Variants in WWOX observed in about 807,000 individuals in gnomAD.
WWOX encodes WW domain-containing oxidoreductase.
A neutral mutation model predicts 46.2 loss-of-function variants in WWOX; 69 were observed. The observed-to-expected ratio is 1.49, with a 90% CI of 1.23 to 1.82. The LOEUF is 1.82. Among genes scored for constraint, WWOX ranks in the 40% most tolerant of loss-of-function variants. The pLI, the probability that WWOX is intolerant of heterozygous loss-of-function variation, is 0.00. For synonymous variants in WWOX, 359 were observed against 202.6 expected (o/e 1.77, Z -6.56); for missense variants, 919 against 542.6 (o/e 1.69, Z -6.89).
At chr16:78,777,612 G>C (rs2050223448) in intron 8 of WWOX, among the ~76,000 whole-genome samples, 1 of 152,116 alleles carries the variant, frequency 6.6e-6, no homozygotes, top group Non-Finnish European at 1.5e-5. Flanking sequence ...ACAGGGTGCT[G>C]AGAAAGCTAA....
chr16:78,263,534 T>A (rs114778616), intron 5 of WWOX, among the ~76,000 whole-genome samples: 223 of 152,270 alleles, frequency 1.5e-3, no homozygotes, highest in African/African-American at 4.9e-3. Flanking sequence ...CGCCTCTTAA[T>A]CAACCCTTGC....
intron 8 of WWOX, among the ~76,000 whole-genome samples, chr16:79,155,607 C>T (rs927042027): frequency 6.6e-6 from 1 of 152,126 alleles, no homozygotes; most frequent in Non-Finnish European, 1.5e-5. Context: ...TCCCTCATCT[C>T]CAGCAGGGCT....
chr16:78,909,362 G>C (rs1446352355), intron 8 of WWOX, among the ~76,000 whole-genome samples: 1 of 152,182 alleles, frequency 6.6e-6, no homozygotes, highest in Non-Finnish European at 1.5e-5. Context: ...CGAGCCTCAT[G>C]TATTCTCTGT....
Position 79,025,804 on chromosome 16 carries a change from C to CTTTTTTTTTTTTT in WWOX, c.1057-185793_1057-185792insTTTTTTTTTTTTT, listed in dbSNP as rs60681938. ...TTCTTTGCTTTGCTTTGCTTGCTTG[C>CTTTTTTTTTTTTT]TTTTTTTTTTTGAGACGGAGTTTTG... is the stretch of plus-strand genomic sequence containing the variant. On this transcript the variant is annotated intron_variant, in intron 8 of 8. Transcript: ENST00000566780. Among the ~76,000 whole-genome samples, 35 of 104,062 alleles carry CTTTTTTTTTTTTT rather than the reference C, an allele frequency of 3.4e-4. 1 individual carries two copies. Among genetic ancestry groups the CTTTTTTTTTTTTT allele is most frequent in the Admixed American group, 7.4e-4 (6 of 8,090 alleles). 68.3% of individuals were successfully genotyped at this position (104,062 alleles called of 152,430 possible).
chr16:78,182,905 T>C (rs867822721), intron 5 of WWOX, among the ~76,000 whole-genome samples: 2 of 146,538 alleles, frequency 1.4e-5, no homozygotes, highest in East Asian at 4.1e-4. Context: ...GAGCCGAGAT[T>C]GCGCCACTGC....
At chr16:78,902,839 C>A (rs573097689) in intron 8 of WWOX, among the ~76,000 whole-genome samples, 1 of 152,108 alleles carries the variant, frequency 6.6e-6, no homozygotes, top group Non-Finnish European at 1.5e-5. Flanking sequence ...GGTTTTTGCC[C>A]CCCTCCAGTT....
In WWOX at chr16:78,156,346, C is replaced by T. The variant is rs538023755; in HGVS notation, c.410-7837C>T. ...TTGATAGAAAAACGGCGTGCTTTTC[C>T]CCCACAGATTTCTTGGTAGCATCAT... On this transcript the variant is annotated intron_variant, in intron 4 of 8. Transcript: ENST00000566780. 2.6e-4 allele frequency among the ~76,000 whole-genome samples: 40 copies of T among 152,232 alleles called. No homozygotes were observed. The South Asian group carries it at 7.7e-3, about 29-fold the overall frequency.
chr16:78,887,259 T>C (rs2044484287), intron 8 of WWOX, among the ~76,000 whole-genome samples: 1 of 152,000 alleles, frequency 6.6e-6, no homozygotes, highest in South Asian at 2.1e-4. Flanking sequence ...AAATGCTATT[T>C]CATTATACCA....
intron 8 of WWOX, among the ~76,000 whole-genome samples, chr16:78,836,607 C>T (rs554072153): frequency 6.6e-6 from 1 of 152,308 alleles, no homozygotes; most frequent in East Asian, 1.9e-4. Flanking sequence ...CTTGCCAATA[C>T]AGTACCTCAT....
At chr16:78,305,462 A>T (rs1443911862) in intron 5 of WWOX, among the ~76,000 whole-genome samples, 1 of 152,104 alleles carries the variant, frequency 6.6e-6, no homozygotes, top group Non-Finnish European at 1.5e-5. Flanking sequence ...GTGGAGGAAG[A>T]ACTCTTCCAA....
chr16:78,303,799 C>T (rs13332332), intron 5 of WWOX, among the ~76,000 whole-genome samples: 1 of 152,262 alleles, frequency 6.6e-6, no homozygotes, highest in South Asian at 2.1e-4. Context: ...TTGGCCTTGG[C>T]CTCCCAAAGT....
At chr16:78,924,166 G>C (rs182640678) in intron 8 of WWOX, among the ~76,000 whole-genome samples, 1 of 152,156 alleles carries the variant, frequency 6.6e-6, no homozygotes, top group Non-Finnish European at 1.5e-5. Context: ...GAAGCAGAAA[G>C]AAGGCTGGGT....
At chr16:78,177,062 C>A (rs1054688153) in intron 5 of WWOX, among the ~76,000 whole-genome samples, 2 of 152,166 alleles carry the variant, frequency 1.3e-5, no homozygotes, top group Admixed American at 1.3e-4. Context: ...AGGGCCCAGC[C>A]ATCTGTGGTT....
intron 5 of WWOX, among the ~76,000 whole-genome samples, chr16:78,333,430 A>G (rs1364018486): frequency 6.6e-6 from 1 of 152,142 alleles, no homozygotes; most frequent in Non-Finnish European, 1.5e-5. Context: ...AACCATTATA[A>G]TCATGGTATT....
chr16:78,453,901 T>G (rs923910211), intron 8 of WWOX, among the ~76,000 whole-genome samples: 1 of 152,338 alleles, frequency 6.6e-6, no homozygotes, highest in East Asian at 1.9e-4. Context: ...TACAGCTTTT[T>G]GTATCATGAG....
At chr16:79,186,394 C>G (rs573251641) in intron 8 of WWOX, among the ~76,000 whole-genome samples, 2 of 152,266 alleles carry the variant, frequency 1.3e-5, no homozygotes, top group African/African-American at 4.8e-5. Context: ...AGTGGCAACG[C>G]TTGGTGTTTC....
At chr16:78,137,107 G>A (rs1310563260) in intron 4 of WWOX, among the ~76,000 whole-genome samples, 1 of 152,144 alleles carries the variant, frequency 6.6e-6, no homozygotes, top group African/African-American at 2.4e-5. Context: ...AGGGGGTCAG[G>A]GATGTTAACG....
intron 8 of WWOX, among the ~76,000 whole-genome samples, chr16:78,652,456 C>A (rs1039624845): frequency 6.6e-6 from 1 of 150,972 alleles, no homozygotes; most frequent in Non-Finnish European, 1.5e-5. Context: ...TGTTTGGAAG[C>A]CATGTCCCAT....
In WWOX at chr16:78,135,508, A is replaced by G. The variant is rs1255512150; in HGVS notation, c.409+20354A>G. Among the ~76,000 whole-genome samples, 6 of 152,340 alleles carry G rather than the reference A, an allele frequency of 3.9e-5. No individual in the cohort carries two copies. In the South Asian group the frequency reaches 6.2e-4, roughly 16 times the overall value. ...TTGTTAATGTTGTTTAGATATTATT[A>G]TAGAAGCCAGCTTTACTGACTTCTG... On this transcript the variant is annotated intron_variant, in intron 4 of 8. Transcript: ENST00000566780.
Sources: gnomAD v4.1 joint callset for allele counts (sites outside exome capture counted in the v4.1 genomes callset) on GRCh38, gnomAD v4.1.1 for gene constraint, MANE v1.5 for transcripts, NCBI Gene and HGNC (gene_info 2026-07-23, HGNC 2026-07-21) for gene names.